Variants in PCDHAC1 observed in about 807,000 individuals in gnomAD.
PCDHAC1 encodes protocadherin alpha subfamily C, 1, also known as protocadherin alpha-C1.
A neutral mutation model predicts 60.0 loss-of-function variants in PCDHAC1; 42 were observed. The ratio of observed to expected loss-of-function variants is 0.70; its 90% confidence interval spans 0.55 to 0.90. The LOEUF is 0.90. PCDHAC1 is among the 40% of genes least tolerant of loss of function. The pLI, the probability that PCDHAC1 is intolerant of heterozygous loss-of-function variation, is 0.00. For synonymous variants in PCDHAC1, 468 were observed against 499.3 expected, an observed-to-expected ratio of 0.94 and a Z score of 0.84; for missense variants, 1,160 against 1,222.3, an observed-to-expected ratio of 0.95 and a Z score of 0.76.
chr5:140,937,148 C>T (rs1400872734), intron 1 of PCDHAC1, among the ~76,000 whole-genome samples: 6 of 151,842 alleles, frequency 4.0e-5, no homozygotes, highest in Non-Finnish European at 8.8e-5. Flanking sequence ...TGCCATTCTC[C>T]TGCCTCAGCC....
chr5:140,981,881 C>T lies in PCDHAC1; in HGVS notation c.2493-594C>T, dbSNP rs138571007. Among the ~76,000 whole-genome samples the T allele has an allele frequency of 4.1e-3, 622 of 152,270 alleles. 4 individuals carry two copies. Among genetic ancestry groups the T allele is most frequent in the African/African-American group, 0.014 (590 of 41,550 alleles). ...CAGCAATGTTTTATGCTGAATTAAT[C>T]TCTTCTGAGCGGGGATCTGTGAGTG... On this transcript the variant is annotated intron_variant, in intron 2 of 3. Transcript: ENST00000253807.
chr5:140,967,049 A>G (rs782123539), intron 1 of PCDHAC1: 12 of 1,612,528 alleles, frequency 7.4e-6, no homozygotes, highest in Non-Finnish European at 9.3e-6. Flanking sequence ...GCTGGACCTG[A>G]CGAGTGGAGC....
In PCDHAC1 at chr5:140,978,974, G is replaced by A. The variant is rs150254638; in HGVS notation, c.2459G>A (p.Arg820His). The A allele has an allele frequency of 2.1e-3, 3,356 of 1,614,130 alleles. 1 individual carries two copies. The highest frequency in any genetic ancestry group is 2.7e-3 in the Non-Finnish European group (3,158 of 1,180,020). The change falls in exon 2 of 4, where the codon CGT becomes CAT. Residue 820 changes from arginine (R) to histidine (H), a missense_variant. Around this residue, in one of 3 missense-constraint regions of PCDHAC1, gnomAD observed 1,113 missense variants for 1,163.7 expected, o/e 0.96. Coordinates refer to ENST00000253807, the MANE Select transcript of PCDHAC1 (RefSeq NM_018898.5). ...AMPRQPNPDW[R>H]YSASLRAGMH... is the part of the protein sequence containing the mutation. ...CCACGACAGCCCAACCCTGACTGGC[G>A]TTACTCTGCCTCCCTGAGAGCAGGC...
In PCDHAC1 at chr5:140,966,446, C is replaced by T. The variant is rs2096003680; in HGVS notation, c.2434-12503C>T. Reference sequence around the variant, plus strand: ...CTGAGCCCTCCTACCGCTCCCTTTCCCCCTCCCCCTCTGTCTTCCCTTCTG... The same window carrying T: ...CTGAGCCCTCCTACCGCTCCCTTTCTCCCTCCCCCTCTGTCTTCCCTTCTG... On this transcript the variant is annotated intron_variant, in intron 1 of 3. Transcript: ENST00000253807. 7 of 424,490 alleles carry T rather than the reference C, an allele frequency of 1.6e-5. No homozygotes were observed. The East Asian group carries it at 2.5e-4, about 15-fold the overall frequency. 26.3% of individuals were successfully genotyped at this position (424,490 alleles called of 1,614,324 possible).
At chr5:140,965,951 T>C (rs1484541931) in intron 1 of PCDHAC1, among the ~76,000 whole-genome samples, 3 of 152,172 alleles carry the variant, frequency 2.0e-5, no homozygotes, top group East Asian at 1.9e-4. Flanking sequence ...GCATTTGCCA[T>C]CCCCCTCCTT....
At chr5:140,931,373 C>T (rs1290408788) in intron 1 of PCDHAC1, among the ~76,000 whole-genome samples, 1 of 151,646 alleles carries the variant, frequency 6.6e-6, no homozygotes, top group Non-Finnish European at 1.5e-5. Context: ...TTTCACTAGA[C>T]TAGAAAGGAA....
intron 3 of PCDHAC1, among the ~76,000 whole-genome samples, chr5:140,987,622 TAGATG>T (rs1554249376): frequency 2.6e-5 from 4 of 152,328 alleles, no homozygotes; most frequent in African/African-American, 9.6e-5. Flanking sequence ...TTGGAAGAAT[TAGATG>T]AGATAATGCA....
chr5:140,933,629 C>G (rs958764636), intron 1 of PCDHAC1, among the ~76,000 whole-genome samples: 1 of 151,846 alleles, frequency 6.6e-6, no homozygotes, highest in Non-Finnish European at 1.5e-5. Context: ...TTAGGCTGGC[C>G]CTGTTAAACA....
Position 141,009,628 on chromosome 5 carries a change from A to G in PCDHAC1, c.2583A>G (p.Glu861=), listed in dbSNP as rs1441195912. The G allele has an allele frequency of 1.2e-6, 2 of 1,613,000 alleles. No individual in the cohort carries two copies. The highest frequency in any genetic ancestry group is 2.2e-5 in the East Asian group (1 of 44,852). Residue 861 remains glutamate, a splice_region_variant and synonymous_variant, in exon 4 of 4, where the codon GAA becomes GAG. Coordinates refer to ENST00000253807, the MANE Select transcript of PCDHAC1 (RefSeq NM_018898.5). ...GATTTGTAATGTTTTGTCTTTCAGA[A>G]CCAGAGGCAGGAGAAGTGTCCCCTC... is the stretch of plus-strand genomic sequence containing the variant. ...QWPTVSSATP[E]PEAGEVSPPV...
At chr5:140,984,408 T>G (rs1394037702) in intron 3 of PCDHAC1, among the ~76,000 whole-genome samples, 2 of 152,200 alleles carry the variant, frequency 1.3e-5, no homozygotes, top group African/African-American at 2.4e-5. Flanking sequence ...AACCTATCTT[T>G]TTTACAGAGA....
chr5:140,952,977 C>T (rs148504111), intron 1 of PCDHAC1, among the ~76,000 whole-genome samples: 2 of 152,182 alleles, frequency 1.3e-5, no homozygotes, highest in East Asian at 3.9e-4. Context: ...TTTTAAACAA[C>T]AAGATCTCAT....
chr5:140,975,202 T>G (rs143285430), intron 1 of PCDHAC1, among the ~76,000 whole-genome samples: 4 of 152,352 alleles, frequency 2.6e-5, no homozygotes, highest in African/African-American at 7.2e-5. Flanking sequence ...TCCATCTTCA[T>G]GGCTGGCACT....
At chr5:140,938,538 AT>A (rs1278860544) in intron 1 of PCDHAC1, among the ~76,000 whole-genome samples, 1 of 135,490 alleles carries the variant, frequency 7.4e-6, no homozygotes, top group Non-Finnish European at 1.6e-5. Context: ...GATAATATGG[AT>A]TTTTATCCTT....
intron 1 of PCDHAC1, among the ~76,000 whole-genome samples, chr5:140,937,927 A>T (rs1376744977): frequency 1.3e-5 from 2 of 149,332 alleles, no homozygotes; most frequent in East Asian, 2.0e-4. Context: ...AAAAAAAAAA[A>T]GTTTAATTTG....
At chr5:140,969,522 T>C in intron 1 of PCDHAC1, 5 of 1,397,290 alleles carry the variant, frequency 3.6e-6, no homozygotes, top group Non-Finnish European at 4.7e-6. Context: ...AAGAATTGTT[T>C]TATTTTTCAT....
At chr5:140,979,104 A>G (rs1563470833) in intron 2 of PCDHAC1, 97 bp downstream of exon 2, 3 of 1,539,000 alleles carry the variant, frequency 1.9e-6, no homozygotes, top group Admixed American at 2.2e-5. Context: ...TGTCAAAACT[A>G]AAAAGCTTTA....
intron 1 of PCDHAC1, among the ~76,000 whole-genome samples, chr5:140,943,180 C>T (rs2093431387): frequency 6.7e-6 from 1 of 149,602 alleles, no homozygotes; most frequent in South Asian, 2.1e-4. Context: ...ATCGCTTGAA[C>T]CCTGGAGGTG....
At chr5:141,005,352 GGAATGTCATA>G (rs1261780276) in intron 3 of PCDHAC1, among the ~76,000 whole-genome samples, 2 of 152,178 alleles carry the variant, frequency 1.3e-5, no homozygotes, top group Non-Finnish European at 2.9e-5. Flanking sequence ...TGCTTGGCTA[GGAATGTCATA>G]GAATGCCTTT....
At chr5:140,958,199 A>G (rs2095413345) in intron 1 of PCDHAC1, among the ~76,000 whole-genome samples, 1 of 152,140 alleles carries the variant, frequency 6.6e-6, no homozygotes, top group Non-Finnish European at 1.5e-5. Context: ...GGTCTAGTAT[A>G]CAAGGGAATT....
Sources: allele counts gnomAD v4.1 joint callset (sites outside exome capture counted in the v4.1 genomes callset), GRCh38; gene constraint gnomAD v4.1.1; regional missense constraint gnomAD v4.1.1; transcripts MANE v1.5; gene names NCBI Gene and HGNC (gene_info 2026-07-23, HGNC 2026-07-21).